Variants in ZNF804A observed in about 807,000 individuals in gnomAD.
ZNF804A encodes zinc finger protein 804A.
ZNF804A carries 2 observed loss-of-function variants against 16.5 expected under a neutral mutation model. The ratio of observed to expected loss-of-function variants is 0.12; its 90% confidence interval spans 0.05 to 0.38. The LOEUF (loss-of-function observed/expected upper bound fraction) is 0.38, where lower values mean the gene tolerates loss of function less well. ZNF804A is among the 10% of genes least tolerant of loss of function. The pLI, the probability that ZNF804A is intolerant of heterozygous loss-of-function variation, is 0.99. For synonymous variants in ZNF804A, 534 were observed against 489.6 expected (o/e 1.09, Z -1.20); for missense variants, 1,473 against 1,390.7 (o/e 1.06, Z -0.94).
chr2:184,786,301 T>C (rs1339837556), intron 1 of ZNF804A, among the ~76,000 whole-genome samples: 1 of 151,928 alleles, frequency 6.6e-6, no homozygotes, highest in Non-Finnish European at 1.5e-5. Flanking sequence ...TGTTCTTCTG[T>C]TTTTTCAGCT....
chr2:184,727,261 A>T (rs1693428316), intron 1 of ZNF804A, among the ~76,000 whole-genome samples: 1 of 151,576 alleles, frequency 6.6e-6, no homozygotes, highest in African/African-American at 2.4e-5. Flanking sequence ...AATACAGAAG[A>T]TATACTCTTC....
intron 1 of ZNF804A, among the ~76,000 whole-genome samples, chr2:184,610,092 A>T (rs1433017946): frequency 6.6e-6 from 1 of 152,034 alleles, no homozygotes; most frequent in African/African-American, 2.4e-5. Flanking sequence ...GTTTATTATT[A>T]AAAAAATGGA....
chr2:184,782,216 A>G (rs1283423287), intron 1 of ZNF804A, among the ~76,000 whole-genome samples: 1 of 151,728 alleles, frequency 6.6e-6, no homozygotes, highest in East Asian at 1.9e-4. Flanking sequence ...GAGGTACTTT[A>G]CAATAGGAAT....
intron 1 of ZNF804A, among the ~76,000 whole-genome samples, chr2:184,740,787 G>C (rs1011262189): frequency 1.3e-5 from 2 of 152,084 alleles, no homozygotes; most frequent in African/African-American, 4.8e-5. Flanking sequence ...CAACCATAAA[G>C]ACAGAATATA....
At position 184,938,778 on chromosome 2, in the gene ZNF804A, C is replaced by T. The variant is rs957322533; in HGVS notation, c.3382C>T (p.His1128Tyr). Residue 1128 changes from histidine to tyrosine, a missense_variant, in exon 4 of 4, where the codon CAC becomes TAC. Transcript: ENST00000302277. ...AGGAACCTTTAAAGTGCTTCAGCCA[C>T]ACCAACAGTTTCTTTCCCAAATCCC... ...AAGTFKVLQP[H>Y]QQFLSQIPAL... is the part of the protein sequence containing the mutation. 17 of 1,613,592 alleles carry T rather than the reference C, an allele frequency of 1.1e-5. No homozygotes were observed. Among genetic ancestry groups the T allele is most frequent in the Non-Finnish European group, 1.4e-5 (17 of 1,179,854 alleles).
chr2:184,649,196 A>T (rs1423321193), intron 1 of ZNF804A, among the ~76,000 whole-genome samples: 1 of 152,158 alleles, frequency 6.6e-6, no homozygotes, highest in Non-Finnish European at 1.5e-5. Flanking sequence ...ATAAACAATA[A>T]ATTAAGGCAG....
chr2:184,854,848 A>G (rs937996059), intron 1 of ZNF804A, among the ~76,000 whole-genome samples: 8 of 152,078 alleles, frequency 5.3e-5, no homozygotes, highest in Non-Finnish European at 8.8e-5. Flanking sequence ...TATGCTGATC[A>G]TGAAACAAGC....
intron 1 of ZNF804A, among the ~76,000 whole-genome samples, chr2:184,700,689 C>T (rs1460329904): frequency 5.3e-5 from 8 of 151,964 alleles, no homozygotes; most frequent in African/African-American, 1.4e-4. Context: ...CTGATAGAAA[C>T]TGACATGATA....
chr2:184,792,931 A>G (rs558115819), intron 1 of ZNF804A, among the ~76,000 whole-genome samples: 113 of 151,888 alleles, frequency 7.4e-4, no homozygotes, highest in African/African-American at 2.6e-3. Flanking sequence ...CCTCCTTCCC[A>G]CCACCCCCTA....
chr2:184,654,807 T>C (rs1299813759), intron 1 of ZNF804A, among the ~76,000 whole-genome samples: 3 of 152,206 alleles, frequency 2.0e-5, no homozygotes, highest in Admixed American at 2.0e-4. Context: ...CCCTGTAATA[T>C]GCTTTAGAAC....
intron 2 of ZNF804A, among the ~76,000 whole-genome samples, chr2:184,883,985 G>A (rs1444925761): frequency 6.6e-6 from 1 of 151,972 alleles, no homozygotes; most frequent in Non-Finnish European, 1.5e-5. Flanking sequence ...AGAAACAAAA[G>A]GCATCTGGAT....
chr2:184,849,370 A>G (rs1695568261), intron 1 of ZNF804A, among the ~76,000 whole-genome samples: 1 of 152,032 alleles, frequency 6.6e-6, no homozygotes, highest in African/African-American at 2.4e-5. Flanking sequence ...TGGGGAAATG[A>G]CAGTCTCTTA....
intron 1 of ZNF804A, among the ~76,000 whole-genome samples, chr2:184,862,138 A>G (rs754963796): frequency 3.4e-4 from 51 of 152,152 alleles, no homozygotes; most frequent in Non-Finnish European, 5.1e-4. Flanking sequence ...TATATATAAG[A>G]ACGGCTGTGC....
In ZNF804A at chr2:184,625,023, A is replaced by G. The variant is rs558376583; in HGVS notation, c.111+25953A>G. Among the ~76,000 whole-genome samples, 107 of 152,260 alleles carry G rather than the reference A, an allele frequency of 7.0e-4. 1 individual carries two copies. The highest frequency in any genetic ancestry group is 1.8e-3 in the Admixed American group (27 of 15,290). On this transcript the variant is annotated intron_variant, in intron 1 of 3. Transcript: ENST00000302277. The stretch of plus-strand genomic sequence containing the variant: ...TTCTGATCATTAAAATAAGCAGGAT[A>G]CTTTGATTATACCTACAAGGTACTC...
At chr2:184,600,250 G>T (rs552050178) in intron 1 of ZNF804A, among the ~76,000 whole-genome samples, 2 of 152,144 alleles carry the variant, frequency 1.3e-5, no homozygotes, top group Admixed American at 1.3e-4. Flanking sequence ...TGTTTTCCAA[G>T]AATGAAAAGT....
At chr2:184,837,773 T>C (rs1037590399) in intron 1 of ZNF804A, among the ~76,000 whole-genome samples, 1 of 152,174 alleles carries the variant, frequency 6.6e-6, no homozygotes, top group Non-Finnish European at 1.5e-5. Context: ...GTATGAAGGC[T>C]CACTGAGCAT....
rs779563483 is a variant in ZNF804A, at chr2:184,937,507, C to T, written c.2111C>T (p.Ser704Leu). Residue 704 changes from serine to leucine, a missense_variant, in exon 4 of 4, where the codon TCA (serine) becomes TTA (leucine). Transcript: ENST00000302277. Reference sequence around the variant, plus strand: ...AACACAATACTTTTAAATGGACAATCAAATGCAACAATGATACATTCTGGG... The same window carrying T: ...AACACAATACTTTTAAATGGACAATTAAATGCAACAATGATACATTCTGGG... ...KKNTILLNGQ[S>L]NATMIHSGKH... 6 of 1,612,044 alleles carry T rather than the reference C, an allele frequency of 3.7e-6. No individual in the cohort carries two copies. In the South Asian group the frequency reaches 6.6e-5, roughly 18 times the overall value.
At chr2:184,784,790 A>G (rs1168563602) in intron 1 of ZNF804A, among the ~76,000 whole-genome samples, 1 of 152,032 alleles carries the variant, frequency 6.6e-6, no homozygotes, top group African/African-American at 2.4e-5. Context: ...TAACAAATAC[A>G]TGCTTAAATA....
intron 2 of ZNF804A, among the ~76,000 whole-genome samples, chr2:184,923,422 T>A (rs1191499946): frequency 1.3e-5 from 2 of 151,902 alleles, no homozygotes; most frequent in Non-Finnish European, 2.9e-5. Flanking sequence ...ACTGAATTTG[T>A]TCATCAGCTC....
Sources: allele counts gnomAD v4.1 joint callset (sites outside exome capture counted in the v4.1 genomes callset), GRCh38; gene constraint gnomAD v4.1.1; transcripts MANE v1.5; gene names NCBI Gene and HGNC (gene_info 2026-07-23, HGNC 2026-07-21).